The following RAD51B variants were observed in gnomAD, a reference collection of about 807,000 sequenced individuals.
RAD51B encodes the protein DNA repair protein RAD51 homolog 2.
In RAD51B, 38 loss-of-function variants were observed where a neutral mutation model predicts 42.2. The observed-to-expected ratio is 0.90, with a 90% CI of 0.70 to 1.18. The LOEUF is 1.18. Ranked by LOEUF, RAD51B falls within the 50% of genes most tolerant of loss-of-function variation. The pLI is 0.00. For missense variants in RAD51B, 373 were observed against 400.7 expected (o/e 0.93, Z 0.59); for synonymous variants, 154 against 145.2 (o/e 1.06, Z -0.43).
intron 9 of RAD51B, among the ~76,000 whole-genome samples, chr14:68,426,031 T>C (rs2140121084): frequency 1.4e-5 from 2 of 145,136 alleles, no homozygotes; most frequent in Non-Finnish European, 3.0e-5. Context: ...TTTCTTTCTC[T>C]CTTTCTTTCT....
chr14:67,824,011 G>A (rs1372696634), intron 2 of RAD51B, among the ~76,000 whole-genome samples: 1 of 152,166 alleles, frequency 6.6e-6, no homozygotes, highest in African/African-American at 2.4e-5. Context: ...TATATAGAGC[G>A]GATCTTGCAT....
At chr14:68,488,808 C>A (rs1386583749) in intron 10 of RAD51B, among the ~76,000 whole-genome samples, 1 of 152,200 alleles carries the variant, frequency 6.6e-6, no homozygotes, top group Non-Finnish European at 1.5e-5. Context: ...TCTTTAACAA[C>A]TGTCATGAAA....
At chr14:68,387,912 T>C (rs2083635823) in intron 8 of RAD51B, among the ~76,000 whole-genome samples, 1 of 152,136 alleles carries the variant, frequency 6.6e-6, no homozygotes, top group African/African-American at 2.4e-5. Context: ...ATAAAATGTC[T>C]TAATTTTCAT....
intron 10 of RAD51B, chr14:68,563,804 G>T (rs1889277749): frequency 1.0e-6 from 1 of 985,024 alleles, no homozygotes; most frequent in Admixed American, 6.1e-5. Flanking sequence ...CGACAGCTCG[G>T]TAATGAGCAG....
chr14:68,357,211 A>C (rs1372534256), intron 8 of RAD51B, among the ~76,000 whole-genome samples: 4 of 152,136 alleles, frequency 2.6e-5, no homozygotes, highest in Admixed American at 2.6e-4. Flanking sequence ...TAGCATCCTC[A>C]CCAGTAGATT....
intron 11 of RAD51B, among the ~76,000 whole-genome samples, chr14:68,677,503 C>T (rs1039290518): frequency 2.6e-5 from 4 of 152,188 alleles, no homozygotes; most frequent in African/African-American, 9.7e-5. Flanking sequence ...CAACTATCTT[C>T]CTGGAAGTAA....
chr14:68,491,958 TC>T (rs1212443972), intron 10 of RAD51B, among the ~76,000 whole-genome samples: 1 of 152,206 alleles, frequency 6.6e-6, no homozygotes, highest in Non-Finnish European at 1.5e-5. Flanking sequence ...CCCCACCGAT[TC>T]CAGCGGCACC....
intron 4 of RAD51B, among the ~76,000 whole-genome samples, chr14:67,863,002 G>A (rs188761730): frequency 6.6e-6 from 1 of 152,066 alleles, no homozygotes; most frequent in Non-Finnish European, 1.5e-5. Context: ...TGGTTTGTTG[G>A]GGTATGTGGT....
chr14:68,577,017 G>A (rs1889992079), intron 10 of RAD51B, among the ~76,000 whole-genome samples: 1 of 152,166 alleles, frequency 6.6e-6, no homozygotes, highest in African/African-American at 2.4e-5. Flanking sequence ...GGGAGGCCAG[G>A]GTCTGTCAGA....
intron 8 of RAD51B, among the ~76,000 whole-genome samples, chr14:68,356,434 C>CAA (rs55768026): frequency 3.1e-4 from 33 of 106,364 alleles, no homozygotes; most frequent in African/African-American, 1.1e-3. Context: ...GACTCCGTCT[C>CAA]AAAAAAAAAA....
intron 7 of RAD51B, among the ~76,000 whole-genome samples, chr14:68,278,475 G>A (rs886883283): frequency 2.0e-5 from 3 of 152,166 alleles, no homozygotes; most frequent in African/African-American, 7.2e-5. Flanking sequence ...CATGGTGTTT[G>A]ATACTCACTG....
At chr14:67,829,343 C>T (rs1305444981) in intron 3 of RAD51B, among the ~76,000 whole-genome samples, 5 of 151,742 alleles carry the variant, frequency 3.3e-5, no homozygotes, top group East Asian at 1.9e-4. Flanking sequence ...CCTGGGTTCA[C>T]GCCATTCTCC....
chr14:67,939,338 G>T (rs1056485744), intron 7 of RAD51B, among the ~76,000 whole-genome samples: 14 of 152,026 alleles, frequency 9.2e-5, no homozygotes, highest in Admixed American at 2.0e-4. Flanking sequence ...GCTTTAAAAA[G>T]GTGGAAGCCA....
At chr14:68,113,519 T>C (rs2077491914) in intron 7 of RAD51B, among the ~76,000 whole-genome samples, 1 of 152,082 alleles carries the variant, frequency 6.6e-6, no homozygotes, top group African/African-American at 2.4e-5. Flanking sequence ...TCCTACAAAT[T>C]CTCTTGGGAA....
chr14:67,851,594 C>T (rs1157161175), intron 4 of RAD51B, among the ~76,000 whole-genome samples: 1 of 152,050 alleles, frequency 6.6e-6, no homozygotes, highest in Non-Finnish European at 1.5e-5. Flanking sequence ...AGCCTGGGGG[C>T]AGCAGGGGTG....
In RAD51B at chr14:68,567,618, C is replaced by G. The variant is rs923716410; in HGVS notation, c.1037-26867C>G. 4.6e-5 allele frequency among the ~76,000 whole-genome samples: 7 copies of G among 152,294 alleles called. 1 individual carries two copies. The highest frequency in any genetic ancestry group is 2.0e-4 in the Admixed American group (3 of 15,294). ...TATCATACAGAGTAGTTTTTCACTG[C>G]CCTAAAAATCCTCTGTGCTCTGTGT... On this transcript the variant is annotated intron_variant, in intron 10 of 10. Coordinates refer to the RAD51B transcript ENST00000487270.
chr14:68,053,120 T>A (rs562277017), intron 7 of RAD51B, among the ~76,000 whole-genome samples: 1 of 152,332 alleles, frequency 6.6e-6, no homozygotes, highest in African/African-American at 2.4e-5. Context: ...TCTTGATGTT[T>A]AATCGAGCTG....
intron 10 of RAD51B, among the ~76,000 whole-genome samples, chr14:68,574,507 G>T (rs1244622535): frequency 6.6e-6 from 1 of 152,150 alleles, no homozygotes; most frequent in African/African-American, 2.4e-5. Context: ...CATCTTTGTG[G>T]ATCTCTACCA....
At chr14:68,514,585 C>CTAG (rs1187207326) in intron 10 of RAD51B, among the ~76,000 whole-genome samples, 1 of 152,102 alleles carries the variant, frequency 6.6e-6, no homozygotes, top group Non-Finnish European at 1.5e-5. Context: ...GGCAGCCCTT[C>CTAG]TAGTATCTCA....
Sources: gnomAD v4.1 joint callset for allele counts (sites outside exome capture counted in the v4.1 genomes callset) on GRCh38, gnomAD v4.1.1 for gene constraint, MANE v1.5 for transcripts, NCBI Gene and HGNC (gene_info 2026-07-23, HGNC 2026-07-21) for gene names.